Variants in SCCPDH observed in about 807,000 individuals in gnomAD.
The protein encoded by SCCPDH is saccharopine dehydrogenase (putative), also known as saccharopine dehydrogenase-like oxidoreductase.
In SCCPDH, 34 loss-of-function variants were observed where a neutral mutation model predicts 51.5. That is an observed-to-expected ratio of 0.66 (90% CI 0.50 to 0.88). SCCPDH has a LOEUF of 0.88. Ranked by LOEUF, SCCPDH falls within the 40% of genes least tolerant of loss-of-function variation. SCCPDH has a pLI of 0.00. For synonymous variants in SCCPDH, 187 were observed against 191.3 expected (o/e 0.98, Z 0.19); for missense variants, 464 against 527.1 (o/e 0.88, Z 1.17).
rs139703648 is a variant in SCCPDH at position 246,767,040 on chromosome 1, C to T, written c.1185-155C>T. ...TTCTCCTGACTAATAGCTACTTGCT[C>T]ATTTGGCTGATTTTAGGAAGGAATC... On this transcript the variant is annotated intron_variant, in intron 11 of 11. Transcript: ENST00000366510. Among the ~76,000 whole-genome samples the T allele has an allele frequency of 1.5e-3, 232 of 152,320 alleles. 2 individuals are homozygous for T. The highest frequency in any genetic ancestry group is 6.8e-3 in the Middle Eastern group (2 of 294).
rs548960962 is a variant in SCCPDH, at chr1:246,739,134, GGT to G, written c.385-1034_385-1033del. Reference sequence around the variant, plus strand: ...TTTGTGTCTGGTATGTGCTTGAACAGGTGTGATTGTGTTTGTGTGTCACCTTC... The same window carrying G: ...TTTGTGTCTGGTATGTGCTTGAACAGGTGATTGTGTTTGTGTGTCACCTTC... On this transcript the variant is annotated intron_variant, in intron 3 of 11. Coordinates refer to ENST00000366510, the MANE Select transcript of SCCPDH (RefSeq NM_016002.3). Among the ~76,000 whole-genome samples the G allele has an allele frequency of 5.7e-3, 869 of 152,112 alleles. 11 individuals carry two copies. Among genetic ancestry groups the G allele is most frequent in the African/African-American group, 0.02 (810 of 41,502 alleles).
At chr1:246,760,117 G>T (rs1668988865) in intron 8 of SCCPDH, 41 bp downstream of exon 8, 1 of 1,595,530 alleles carries the variant, frequency 6.3e-7, no homozygotes, top group Non-Finnish European at 8.5e-7. Context: ...TTTATTAGAA[G>T]TATTTTCCAT....
At chr1:246,749,627 G>C (rs1411663721) in intron 5 of SCCPDH, among the ~76,000 whole-genome samples, 1 of 152,172 alleles carries the variant, frequency 6.6e-6, no homozygotes, top group African/African-American at 2.4e-5. Context: ...TGAATGTATG[G>C]TTTTAAGAAG....
intron 7 of SCCPDH, 85 bp downstream of exon 7, chr1:246,759,236 C>A: frequency 1.3e-6 from 1 of 783,678 alleles, no homozygotes. Context: ...GTTTATAAGG[C>A]AGAAAAAGGA....
rs139991046 is a variant in SCCPDH, at chr1:246,757,781, A to G, written c.565-445A>G. On this transcript the variant is annotated intron_variant, in intron 5 of 11. Coordinates refer to ENST00000366510, the MANE Select transcript of SCCPDH (RefSeq NM_016002.3). ...AACAGGATGGAGAGATGGACAGTAC[A>G]CAGTGTATGTATGCATAAATGTGCA... Among the ~76,000 whole-genome samples the G allele has an allele frequency of 8.9e-3, 1,358 of 152,282 alleles. 14 individuals are homozygous for G. The highest frequency in any genetic ancestry group is 0.03 in the African/African-American group (1,259 of 41,562).
chr1:246,727,128 GT>G (rs1208321197), intron 2 of SCCPDH, 124 bp downstream of exon 2: 35 of 736,234 alleles, frequency 4.8e-5, no homozygotes, highest in Non-Finnish European at 7.4e-5. Flanking sequence ...CATATGGGGA[GT>G]TTTTTCTTCT....
chr1:246,742,501 C>G (rs967995133), intron 4 of SCCPDH, among the ~76,000 whole-genome samples: 6 of 152,172 alleles, frequency 3.9e-5, no homozygotes, highest in African/African-American at 1.4e-4. Flanking sequence ...TTCTGCGGAT[C>G]GGGTTAGATC....
chr1:246,745,473 A>C (rs1668744049), intron 5 of SCCPDH, among the ~76,000 whole-genome samples: 1 of 152,208 alleles, frequency 6.6e-6, no homozygotes, highest in African/African-American at 2.4e-5. Context: ...TTTGTTATTA[A>C]AGAGATCAGA....
At chr1:246,747,502 A>G (rs2102986303) in intron 5 of SCCPDH, among the ~76,000 whole-genome samples, 1 of 152,360 alleles carries the variant, frequency 6.6e-6, no homozygotes, top group Middle Eastern at 3.4e-3. Context: ...CCTGGCTGTT[A>G]GAAATAAATT....
At position 246,758,206 on chromosome 1, in the gene SCCPDH, C is replaced by T. The variant is rs775413925; in HGVS notation, c.565-20C>T. ...TAACTACCCTTTCATGTTTCTTTAA[C>T]TCTTGAAATATTTTATTAGGGGTTG... is the stretch of plus-strand genomic sequence containing the variant. On this transcript the variant is annotated intron_variant, in intron 5 of 11. Transcript: ENST00000366510. 1.3e-6 allele frequency: 2 copies of T among 1,543,538 alleles called. No homozygotes were observed. The highest frequency in any genetic ancestry group is 2.3e-5 in the East Asian group (1 of 42,888).
chr1:246,750,466 C>G (rs192354645), intron 5 of SCCPDH, among the ~76,000 whole-genome samples: 4 of 152,228 alleles, frequency 2.6e-5, no homozygotes, highest in African/African-American at 9.6e-5. Context: ...GGCAGCTAGT[C>G]CATGGCACCC....
intron 2 of SCCPDH, among the ~76,000 whole-genome samples, chr1:246,727,604 T>C (rs1668422926): frequency 1.3e-5 from 2 of 152,226 alleles, no homozygotes; most frequent in African/African-American, 4.8e-5. Context: ...GAAAAGGTCC[T>C]GGCATATTGG....
intron 5 of SCCPDH, among the ~76,000 whole-genome samples, chr1:246,752,705 G>T (rs1288144210): frequency 1.3e-5 from 2 of 151,738 alleles, no homozygotes; most frequent in Admixed American, 6.6e-5. Flanking sequence ...TGTGTTCTTT[G>T]TCTGCGGTGG....
At chr1:246,727,118 C>T in intron 2 of SCCPDH, 114 bp downstream of exon 2, 2 of 806,468 alleles carry the variant, frequency 2.5e-6, no homozygotes, top group East Asian at 2.7e-5. Flanking sequence ...GCCTTAACCC[C>T]ATATGGGGAG....
chr1:246,734,066 A>C (rs1014225671), intron 2 of SCCPDH, among the ~76,000 whole-genome samples: 2 of 152,170 alleles, frequency 1.3e-5, no homozygotes, highest in Admixed American at 1.3e-4. Flanking sequence ...GCTTATTTAC[A>C]ATGCAAGTTA....
intron 4 of SCCPDH, among the ~76,000 whole-genome samples, chr1:246,741,388 C>T (rs1244333915): frequency 1.3e-5 from 2 of 151,246 alleles, no homozygotes; most frequent in African/African-American, 4.9e-5. Context: ...TAACGAATGC[C>T]TGGGCTCAGG....
At chr1:246,740,368 T>A (rs1668659290) in intron 4 of SCCPDH, 67 bp downstream of exon 4, 9 of 1,338,604 alleles carry the variant, frequency 6.7e-6, no homozygotes. Context: ...TGTTTCTAAC[T>A]GTGGTGAACT....
At chr1:246,750,217 A>G (rs1312671431) in intron 5 of SCCPDH, among the ~76,000 whole-genome samples, 2 of 152,070 alleles carry the variant, frequency 1.3e-5, no homozygotes, top group Non-Finnish European at 2.9e-5. Flanking sequence ...TCCTCATGCT[A>G]ATGTTGGTGT....
At chr1:246,729,646 G>A (rs546289407) in intron 2 of SCCPDH, among the ~76,000 whole-genome samples, 2 of 152,054 alleles carry the variant, frequency 1.3e-5, no homozygotes, top group African/African-American at 2.4e-5. Context: ...CAGTTTGTAC[G>A]GATAACTCAA....
Sources: allele counts gnomAD v4.1 joint callset (sites outside exome capture counted in the v4.1 genomes callset), GRCh38; gene constraint gnomAD v4.1.1; transcripts MANE v1.5; gene names NCBI Gene and HGNC (gene_info 2026-07-23, HGNC 2026-07-21).